DRC11: variants seen among roughly 807,000 people sequenced by gnomAD.
DRC11 encodes the protein dynein regulatory complex subunit 11, also known as IQ and AAA domain-containing protein 1.
chr2:236,367,928 A>G, the DRC11 span: 1 of 474,156 alleles, frequency 2.1e-6, no homozygotes, highest in Non-Finnish European at 3.8e-6. The surrounding 1 kb of genome is among the most constrained non-coding windows in gnomAD (Gnocchi z 4.8). Context: ...TGCTTTGCCT[A>G]TTATCTCCCC....
the DRC11 span, among the ~76,000 whole-genome samples, chr2:236,422,646 A>G: frequency 1.3e-5 from 2 of 152,248 alleles, no homozygotes; most frequent in Non-Finnish European, 2.9e-5. Flanking sequence ...TTATAGATTC[A>G]ATGTCATCCC....
At chr2:236,468,907 T>C in the DRC11 span, among the ~76,000 whole-genome samples, 1 of 152,242 alleles carries the variant, frequency 6.6e-6, no homozygotes, top group Non-Finnish European at 1.5e-5. Context: ...ACGTTGTTCC[T>C]GTTGCTATTT....
the DRC11 span, among the ~76,000 whole-genome samples, chr2:236,334,808 A>G: frequency 0.01 from 1,572 of 152,146 alleles, 7 homozygotes; most frequent in Non-Finnish European, 0.018. This position sits in a 1 kb window ranked among gnomAD's most constrained non-coding sequence, Gnocchi z 7.8. Context: ...CAGACCCTGG[A>G]CCCATCCGAC....
At chr2:236,396,032 A>G in the DRC11 span, among the ~76,000 whole-genome samples, 1 of 152,216 alleles carries the variant, frequency 6.6e-6, no homozygotes, top group Non-Finnish European at 1.5e-5. Context: ...AAAACACTGC[A>G]GAGCCGTTTT....
chr2:236,378,499 C>T, the DRC11 span, among the ~76,000 whole-genome samples: 2 of 151,796 alleles, frequency 1.3e-5, no homozygotes, highest in African/African-American at 4.8e-5. Context: ...ATGGTGAAAC[C>T]CCATCTCTAC....
chr2:236,418,513 T>C, the DRC11 span, among the ~76,000 whole-genome samples: 1 of 152,216 alleles, frequency 6.6e-6, no homozygotes, highest in Non-Finnish European at 1.5e-5. Context: ...CCGTTTCTCA[T>C]AGAAAGTGTT....
At chr2:236,491,219 G>GTATATATATATATATATATACACAGTATA in the DRC11 span, among the ~76,000 whole-genome samples, 9 of 19,566 alleles carry the variant, frequency 4.6e-4, 1 homozygote, top group East Asian at 6.1e-3. Context: ...TATACACACA[G>GTATATATATATATATATATACACAGTATA]TATATATATA....
the DRC11 span, among the ~76,000 whole-genome samples, chr2:236,310,221 G>T: frequency 6.6e-6 from 1 of 152,116 alleles, no homozygotes; most frequent in South Asian, 2.1e-4. The surrounding 1 kb of genome is among the most constrained non-coding windows in gnomAD (Gnocchi z 5.5). Flanking sequence ...CCCTTTCCTG[G>T]GCCCAGGAGA....
chr2:236,434,417 G>A, the DRC11 span, among the ~76,000 whole-genome samples: 2 of 152,246 alleles, frequency 1.3e-5, no homozygotes, highest in Admixed American at 6.5e-5. This position sits in a 1 kb window ranked among gnomAD's most constrained non-coding sequence, Gnocchi z 5.5. Flanking sequence ...CAACTGCTAC[G>A]ATTTTCTGAA....
At chr2:236,503,516 T>C in the DRC11 span, 1 of 1,065,108 alleles carries the variant, frequency 9.4e-7, no homozygotes, top group African/African-American at 1.6e-5. The surrounding 1 kb of genome is among the most constrained non-coding windows in gnomAD (Gnocchi z 4.9). Context: ...GCCATTTCTT[T>C]CTTCCCCAAC....
the DRC11 span, among the ~76,000 whole-genome samples, chr2:236,316,792 G>A: frequency 1.1e-4 from 17 of 152,320 alleles, no homozygotes; most frequent in South Asian, 2.1e-3. The surrounding 1 kb of genome is among the most constrained non-coding windows in gnomAD (Gnocchi z 6.8). Context: ...GTGGAGTAGT[G>A]GGAGTTTGCA....
the DRC11 span, among the ~76,000 whole-genome samples, chr2:236,394,857 G>C: frequency 6.6e-6 from 1 of 152,190 alleles, no homozygotes; most frequent in Non-Finnish European, 1.5e-5. The surrounding 1 kb of genome is among the most constrained non-coding windows in gnomAD (Gnocchi z 7.0). Flanking sequence ...AAACCGAAGG[G>C]CAGGGCTGTG....
At chr2:236,448,738 C>T in the DRC11 span, among the ~76,000 whole-genome samples, 4 of 152,276 alleles carry the variant, frequency 2.6e-5, no homozygotes, top group Admixed American at 6.5e-5. The surrounding 1 kb of genome is among the most constrained non-coding windows in gnomAD (Gnocchi z 5.3). Context: ...TGTAAGGCAG[C>T]GGGACAAGGC....
At chr2:236,391,541 T>G in the DRC11 span, 1 of 176,692 alleles carries the variant, frequency 5.7e-6, no homozygotes, top group Admixed American at 5.7e-5. The surrounding 1 kb of genome is among the most constrained non-coding windows in gnomAD (Gnocchi z 4.5). Flanking sequence ...CACTGTGAGA[T>G]GGATTGGTGG....
chr2:236,493,863 T>C, the DRC11 span: 1 of 1,606,164 alleles, frequency 6.2e-7, no homozygotes, highest in Non-Finnish European at 8.5e-7. Flanking sequence ...AAAAAATACT[T>C]GGGTATGGGA....
the DRC11 span, among the ~76,000 whole-genome samples, chr2:236,501,730 A>G: frequency 1.8e-4 from 28 of 152,218 alleles, no homozygotes; most frequent in African/African-American, 6.3e-4. Flanking sequence ...CTGTTGACAT[A>G]AAACAGAACC....
the DRC11 span, among the ~76,000 whole-genome samples, chr2:236,407,325 A>G: frequency 6.6e-6 from 1 of 152,198 alleles, no homozygotes; most frequent in Non-Finnish European, 1.5e-5. Flanking sequence ...GGTAGTAAGA[A>G]ATAAACCACA....
the DRC11 span, among the ~76,000 whole-genome samples, chr2:236,316,314 C>G: frequency 1.3e-5 from 2 of 152,112 alleles, no homozygotes; most frequent in East Asian, 1.9e-4. The surrounding 1 kb of genome is among the most constrained non-coding windows in gnomAD (Gnocchi z 6.8). Flanking sequence ...AGGCACCCAC[C>G]ACCACGCCCA....
chr2:236,338,126 A>C, the DRC11 span: 1 of 1,441,420 alleles, frequency 6.9e-7, no homozygotes. Flanking sequence ...ACCGGGTCCA[A>C]GGGCCGCCCT....
Sources: gnomAD v4.1 joint callset for allele counts (sites outside exome capture counted in the v4.1 genomes callset) on GRCh38, gnomAD v4.1.1 for gene constraint, Gnocchi (gnomAD v3.1) non-coding constraint, MANE v1.5 for transcripts, NCBI Gene and HGNC (gene_info 2026-07-23, HGNC 2026-07-21) for gene names.